CDH4: variants seen among roughly 807,000 people sequenced by gnomAD.
The protein encoded by CDH4 is cadherin 4.
Under a neutral mutation model 86.0 loss-of-function variants are expected in CDH4, and 33 were observed. The observed-to-expected ratio is 0.38, with a 90% CI of 0.29 to 0.51. The LOEUF (loss-of-function observed/expected upper bound fraction) is 0.51. Among genes scored for constraint, CDH4 ranks in the 20% least tolerant of loss-of-function variants. The pLI is 0.86. For missense variants in CDH4, 1,114 were observed against 1,307.4 expected, an observed-to-expected ratio of 0.85 and a Z score of 2.28; for synonymous variants, 555 against 549.4, an observed-to-expected ratio of 1.01 and a Z score of -0.14.
chr20:61,788,167 G>A (rs1403466306), intron 4 of CDH4, among the ~76,000 whole-genome samples: 1 of 152,210 alleles, frequency 6.6e-6, no homozygotes, highest in Non-Finnish European at 1.5e-5. Context: ...CAGTAAAACA[G>A]CTGGAAACCC....
At chr20:61,494,945 G>T (rs541388298) in intron 2 of CDH4, among the ~76,000 whole-genome samples, 3 of 152,222 alleles carry the variant, frequency 2.0e-5, no homozygotes, top group Non-Finnish European at 4.4e-5. Flanking sequence ...TGGGCCCTCC[G>T]CCAGATGCCA....
intron 2 of CDH4, among the ~76,000 whole-genome samples, chr20:61,410,728 A>G (rs1465271744): frequency 1.4e-5 from 2 of 147,904 alleles, no homozygotes; most frequent in African/African-American, 5.1e-5. Context: ...TCCATCCATC[A>G]TCTTCCATTC....
chr20:61,749,072 AG>A (rs1197825884), intron 3 of CDH4, among the ~76,000 whole-genome samples: 3 of 152,226 alleles, frequency 2.0e-5, no homozygotes, highest in African/African-American at 7.2e-5. Flanking sequence ...ATCAAAAGGA[AG>A]CTAGTGGACT....
At position 61,377,573 on chromosome 20, in the gene CDH4, GC is replaced by G. The variant is rs1441545489; in HGVS notation, c.169+122637del. ...AAATGAAACAAAACCATTGCATGGT[GC>G]TTTTCTGTAGTCAACGAGTCGCTTT... On this transcript the variant is annotated intron_variant, in intron 2 of 15. Transcript: ENST00000614565. This position sits in a 1 kb window ranked among gnomAD's most constrained non-coding sequence, Gnocchi z 4.0. Among the ~76,000 whole-genome samples the G allele has an allele frequency of 6.6e-6, 1 of 152,196 alleles. No homozygotes were observed. Among genetic ancestry groups the G allele is most frequent in the Non-Finnish European group, 1.5e-5 (1 of 68,038 alleles).
intron 2 of CDH4, among the ~76,000 whole-genome samples, chr20:61,632,013 G>A (rs556356027): frequency 1.3e-5 from 2 of 152,362 alleles, no homozygotes; most frequent in African/African-American, 2.4e-5. Context: ...TGAAGGCTGC[G>A]CAAGTGGCTG....
chr20:61,431,808 C>T (rs924100238), intron 2 of CDH4, among the ~76,000 whole-genome samples: 1 of 152,176 alleles, frequency 6.6e-6, no homozygotes, highest in Non-Finnish European at 1.5e-5. Flanking sequence ...TCCTCCCCTC[C>T]CCCATCCCCT....
At chr20:61,613,388 G>A (rs529957608) in intron 2 of CDH4, among the ~76,000 whole-genome samples, 1 of 152,148 alleles carries the variant, frequency 6.6e-6, no homozygotes, top group African/African-American at 2.4e-5. Flanking sequence ...AGGGCCGTGT[G>A]CGTAGGTCAG....
rs151090883 is a variant in CDH4 at position 61,865,260 on chromosome 20, T to G, written c.878-8468T>G. Among the ~76,000 whole-genome samples, 1,300 of 152,328 alleles carry G rather than the reference T, an allele frequency of 8.5e-3. 9 individuals are homozygous for G. Among genetic ancestry groups the G allele is most frequent in the Middle Eastern group, 0.031 (9 of 294 alleles). ...TGATTAGTGTAGGTGATGAGCTGGCTTCTGGGGATGGTTAGTGTAGATGAT... is the reference window on the plus strand; with the variant it reads ...TGATTAGTGTAGGTGATGAGCTGGCGTCTGGGGATGGTTAGTGTAGATGAT... On this transcript the variant is annotated intron_variant, in intron 6 of 15. Transcript: ENST00000614565.
chr20:61,843,563 C>A, intron 4 of CDH4, among the ~76,000 whole-genome samples: 1 of 150,964 alleles, frequency 6.6e-6, no homozygotes, highest in East Asian at 1.9e-4. Flanking sequence ...GCGTGGTTGC[C>A]AGCACCTGTA....
intron 2 of CDH4, among the ~76,000 whole-genome samples, chr20:61,454,137 T>C (rs1423980531): frequency 6.6e-6 from 1 of 152,192 alleles, no homozygotes; most frequent in Non-Finnish European, 1.5e-5. Flanking sequence ...GTGTGCACTC[T>C]GATGAAATTC....
At chr20:61,467,393 C>G (rs768759509) in intron 2 of CDH4, among the ~76,000 whole-genome samples, 9 of 152,164 alleles carry the variant, frequency 5.9e-5, no homozygotes, top group Non-Finnish European at 1.2e-4. Context: ...TCTCAGCACT[C>G]TGAATTATTT....
chr20:61,278,595 C>T (rs1277681019), intron 2 of CDH4, among the ~76,000 whole-genome samples: 9 of 152,256 alleles, frequency 5.9e-5, no homozygotes, highest in Admixed American at 5.9e-4. Context: ...GGAAGTGGCT[C>T]AGCTTCCCTT....
chr20:61,492,024 G>C (rs1469011361), intron 2 of CDH4, among the ~76,000 whole-genome samples: 1 of 151,584 alleles, frequency 6.6e-6, no homozygotes, highest in African/African-American at 2.4e-5. Context: ...CAATATTGTC[G>C]ATGGTGGTGT....
intron 2 of CDH4, among the ~76,000 whole-genome samples, chr20:61,312,131 G>A (rs112749897): frequency 4.8e-3 from 7 of 1,466 alleles, no homozygotes; most frequent in East Asian, 0.017. Flanking sequence ...TGTGGGTGGT[G>A]TGTGTGTGGT....
intron 13 of CDH4, among the ~76,000 whole-genome samples, chr20:61,931,199 C>T (rs1184231352): frequency 5.9e-5 from 9 of 152,246 alleles, no homozygotes; most frequent in Admixed American, 5.9e-4. Flanking sequence ...GAGCTGACCT[C>T]TTCAAAGGTT....
intron 2 of CDH4, among the ~76,000 whole-genome samples, chr20:61,538,515 C>G (rs563996293): frequency 6.6e-6 from 1 of 152,198 alleles, no homozygotes; most frequent in Non-Finnish European, 1.5e-5. Context: ...ACTCTGTGTA[C>G]TTTCGCCTGG....
intron 2 of CDH4, among the ~76,000 whole-genome samples, chr20:61,265,247 C>A: frequency 6.8e-6 from 1 of 148,018 alleles, no homozygotes; most frequent in East Asian, 2.0e-4. Context: ...CTTACACATA[C>A]CCCAGTGGCT....
At position 61,923,604 on chromosome 20, in the gene CDH4, A is replaced by G. The variant is rs532032156; in HGVS notation, c.1528A>G (p.Asn510Asp). The G allele has an allele frequency of 3.1e-6, 5 of 1,614,136 alleles. No homozygotes were observed. In the Admixed American group the frequency reaches 8.3e-5, roughly 27 times the overall value. Reference protein sequence around the residue: ...DINEAPYFPSNHKLIRLEEGV... With the variant: ...DINEAPYFPSDHKLIRLEEGV... The stretch of plus-strand genomic sequence containing the variant: ...CAACGAGGCTCCCTACTTCCCCTCA[A>G]ACCACAAGCTGATCCGCCTGGAGGA... The change falls in exon 10 of 16, where the codon AAC (asparagine) becomes GAC (aspartate). Residue 510 changes from asparagine to aspartate, a missense_variant. By Grantham distance (23) the Asn-to-Asp change is conservative. This residue lies in a region of CDH4 where 705 missense variants were observed against 914.1 expected (regional missense o/e 0.77). Coordinates refer to ENST00000614565, the MANE Select transcript of CDH4 (RefSeq NM_001794.5).
intron 4 of CDH4, among the ~76,000 whole-genome samples, chr20:61,779,453 A>G (rs1010370428): frequency 2.6e-5 from 4 of 152,224 alleles, no homozygotes; most frequent in African/African-American, 9.6e-5. Context: ...GGAGACACAC[A>G]GGAGCCATTT....
Sources: allele counts gnomAD v4.1 joint callset (sites outside exome capture counted in the v4.1 genomes callset), GRCh38; gene constraint gnomAD v4.1.1; regional missense constraint gnomAD v4.1.1; non-coding constraint Gnocchi (gnomAD v3.1); transcripts MANE v1.5; gene names NCBI Gene and HGNC (gene_info 2026-07-23, HGNC 2026-07-21).